DNAJC24: variants seen among roughly 807,000 people sequenced by gnomAD.
The protein encoded by DNAJC24 is DnaJ heat shock protein family (Hsp40) member C24.
DNAJC24 carries 17 observed loss-of-function variants against 18.0 expected under a neutral mutation model. That is an observed-to-expected ratio of 0.94 (90% CI 0.65 to 1.42). The LOEUF is 1.42. Among genes scored for constraint, DNAJC24 ranks in the 40% most tolerant of loss-of-function variants. The probability of loss-of-function intolerance (pLI) is 0.00; values close to 1 mark genes in which losing one functional copy is unlikely to be tolerated. For missense variants in DNAJC24, 158 were observed against 175.6 expected (o/e 0.90, Z 0.57); for synonymous variants, 55 against 57.7 (o/e 0.95, Z 0.21).
chr11:31,424,678 G>A lies in DNAJC24; in HGVS notation c.251-1609G>A, dbSNP rs562999788. 2.0e-5 allele frequency among the ~76,000 whole-genome samples: 3 copies of A among 152,204 alleles called. No homozygotes were observed. In the South Asian group the frequency reaches 6.2e-4, roughly 32 times the overall value. On this transcript the variant is annotated intron_variant, in intron 3 of 4. Transcript: ENST00000465995. Reference sequence around the variant, plus strand: ...CAAAATCCTTATCTTTGGATTTTAGGGACAGTCTAATAGACTACTGGTACC... The same window carrying A: ...CAAAATCCTTATCTTTGGATTTTAGAGACAGTCTAATAGACTACTGGTACC...
Position 31,426,178 on chromosome 11 carries a change from G to A in DNAJC24, c.251-109G>A. 4 of 668,224 alleles carry A rather than the reference G, an allele frequency of 6.0e-6. No homozygotes were observed. The South Asian group carries it at 7.8e-5, about 13-fold the overall frequency. The allele number at this position is 668,224 out of a possible 1,614,324, so 41.4% of individuals were successfully genotyped here. Reference sequence around the variant, plus strand: ...ACTAGTCTAAGTTTTTAAGTGATAGGTAAGTTAGAATTGTAGTGGCCAGGC... The same window carrying A: ...ACTAGTCTAAGTTTTTAAGTGATAGATAAGTTAGAATTGTAGTGGCCAGGC... On this transcript the variant is annotated intron_variant, in intron 3 of 4. Transcript: ENST00000465995.
intron 4 of DNAJC24, chr11:31,429,422 G>A (rs1952897450): frequency 8.3e-6 from 3 of 359,728 alleles, no homozygotes; most frequent in Admixed American, 5.3e-5. Flanking sequence ...ACTTATTTAT[G>A]TAATAATCAA....
intron 2 of DNAJC24, among the ~76,000 whole-genome samples, chr11:31,412,863 T>C (rs1211418849): frequency 6.6e-6 from 1 of 152,198 alleles, no homozygotes; most frequent in African/African-American, 2.4e-5. Context: ...TTTGCTGTGC[T>C]AGAGAGGATT....
intron 2 of DNAJC24, among the ~76,000 whole-genome samples, chr11:31,388,353 AT>A: frequency 6.6e-6 from 1 of 152,228 alleles, no homozygotes; most frequent in East Asian, 1.9e-4. Context: ...CAAAGAGAGG[AT>A]CCTAAAAGCA....
At chr11:31,384,541 G>A (rs1952408996) in intron 2 of DNAJC24, 1 of 152,198 alleles carries the variant, frequency 6.6e-6, no homozygotes, top group South Asian at 2.1e-4. Flanking sequence ...TGTTCATTTG[G>A]CCTCTCTATA....
chr11:31,428,087 T>A (rs1591924784), intron 4 of DNAJC24: 1 of 151,974 alleles, frequency 6.6e-6, no homozygotes, highest in African/African-American at 2.4e-5. Context: ...GGCTTAAGCA[T>A]CTGTCCAGTC....
chr11:31,408,882 T>C (rs896247847), intron 2 of DNAJC24, among the ~76,000 whole-genome samples: 4 of 152,186 alleles, frequency 2.6e-5, no homozygotes, highest in African/African-American at 9.6e-5. Flanking sequence ...ACTGAAATTT[T>C]GGAAATAGAT....
chr11:31,413,735 A>C (rs991002360), intron 2 of DNAJC24, among the ~76,000 whole-genome samples: 32 of 152,198 alleles, frequency 2.1e-4, no homozygotes, highest in Non-Finnish European at 7.3e-5. Context: ...ATTTGGTTAC[A>C]CAAAAGAACC....
chr11:31,411,597 A>G (rs1591916742), intron 2 of DNAJC24, among the ~76,000 whole-genome samples: 1 of 152,148 alleles, frequency 6.6e-6, no homozygotes, highest in Non-Finnish European at 1.5e-5. Context: ...ACTTCACTCC[A>G]GTCTTCAAGG....
intron 2 of DNAJC24, among the ~76,000 whole-genome samples, chr11:31,395,258 A>G (rs1269630812): frequency 6.6e-6 from 1 of 152,130 alleles, no homozygotes; most frequent in Non-Finnish European, 1.5e-5. Flanking sequence ...GTGTTAATAT[A>G]TGTACGACAT....
chr11:31,417,498 A>G (rs935877491), intron 3 of DNAJC24, among the ~76,000 whole-genome samples: 5 of 152,112 alleles, frequency 3.3e-5, no homozygotes, highest in African/African-American at 7.2e-5. Context: ...AGACCAGGAT[A>G]GGTTACCGAG....
intron 4 of DNAJC24, chr11:31,426,887 C>G (rs1205235616): frequency 6.7e-6 from 1 of 149,808 alleles, no homozygotes; most frequent in African/African-American, 2.5e-5. Flanking sequence ...TCCCTTGATG[C>G]AACATGAAGT....
intron 2 of DNAJC24, among the ~76,000 whole-genome samples, chr11:31,403,004 G>T (rs1952615823): frequency 6.6e-6 from 1 of 152,194 alleles, no homozygotes; most frequent in Non-Finnish European, 1.5e-5. Flanking sequence ...TCTGGCACAT[G>T]ACGGTATTCT....
intron 2 of DNAJC24, among the ~76,000 whole-genome samples, chr11:31,389,368 T>C (rs1952464946): frequency 6.6e-6 from 1 of 152,098 alleles, no homozygotes; most frequent in African/African-American, 2.4e-5. Context: ...GCTATACTTA[T>C]ATCAAACAAA....
intron 2 of DNAJC24, among the ~76,000 whole-genome samples, chr11:31,392,210 A>G (rs554812812): frequency 6.6e-6 from 1 of 152,308 alleles, no homozygotes; most frequent in South Asian, 2.1e-4. Flanking sequence ...GACTGCAGTC[A>G]ACAATAATTT....
intron 2 of DNAJC24, among the ~76,000 whole-genome samples, chr11:31,400,166 A>G (rs898811472): frequency 2.6e-5 from 4 of 152,180 alleles, no homozygotes; most frequent in Non-Finnish European, 5.9e-5. Flanking sequence ...TATCACTGAT[A>G]GGCATCTGGG....
chr11:31,389,204 A>G lies in DNAJC24; in HGVS notation c.111+18345A>G, dbSNP rs75759630. Among the ~76,000 whole-genome samples the G allele has an allele frequency of 3.3e-3, 495 of 152,302 alleles. 15 individuals carry two copies. In the East Asian group the frequency reaches 0.069, roughly 21 times the overall value. ...TAAATGGACTAAACTCTCCAAAACG[A>G]AATACTGGCTGAATGAATTAGAAAA... is the stretch of plus-strand genomic sequence containing the variant. On this transcript the variant is annotated intron_variant, in intron 2 of 4. Transcript: ENST00000465995.
At chr11:31,421,941 A>G in intron 3 of DNAJC24, 1 of 439,428 alleles carries the variant, frequency 2.3e-6, no homozygotes, top group South Asian at 1.7e-5. Flanking sequence ...GAATCTCCGT[A>G]GATTTTCCTT....
intron 2 of DNAJC24, among the ~76,000 whole-genome samples, chr11:31,403,884 A>C (rs562900601): frequency 6.6e-6 from 1 of 152,228 alleles, no homozygotes; most frequent in Non-Finnish European, 1.5e-5. Flanking sequence ...GTTTATTAAG[A>C]AAGTAGAGGA....
Sources: gnomAD v4.1 joint callset for allele counts (sites outside exome capture counted in the v4.1 genomes callset) on GRCh38, gnomAD v4.1.1 for gene constraint, MANE v1.5 for transcripts, NCBI Gene and HGNC (gene_info 2026-07-23, HGNC 2026-07-21) for gene names.